The following CTNND2 variants were observed in gnomAD, a reference collection of about 807,000 sequenced individuals.
CTNND2 encodes catenin delta-2.
In CTNND2, 22 loss-of-function variants were observed where a neutral mutation model predicts 144.4. That is an observed-to-expected ratio of 0.15 (90% confidence interval 0.11 to 0.22). The LOEUF is 0.22. Among genes scored for constraint, CTNND2 ranks in the 10% least tolerant of loss-of-function variants. The probability of loss-of-function intolerance (pLI) is 1.00; values close to 1 mark genes in which losing one functional copy is unlikely to be tolerated. For synonymous variants in CTNND2, 751 were observed against 695.6 expected, an observed-to-expected ratio of 1.08 and a Z score of -1.25; for missense variants, 1,353 against 1,618.8, an observed-to-expected ratio of 0.84 and a Z score of 2.82.
At chr5:11,772,289 G>A (rs867446643) in intron 1 of CTNND2, among the ~76,000 whole-genome samples, 6 of 151,756 alleles carry the variant, frequency 4.0e-5, no homozygotes, top group African/African-American at 4.8e-5. Context: ...TTTACACTTC[G>A]CATTAGATCA....
intron 9 of CTNND2, among the ~76,000 whole-genome samples, chr5:11,267,310 T>G (rs1348770917): frequency 6.6e-6 from 1 of 152,190 alleles, no homozygotes; most frequent in Non-Finnish European, 1.5e-5. Flanking sequence ...ATGGGTGATT[T>G]GGCAATTGGG....
chr5:11,556,152 CA>C (rs1417840020), intron 3 of CTNND2, among the ~76,000 whole-genome samples: 1 of 151,516 alleles, frequency 6.6e-6, no homozygotes, highest in African/African-American at 2.4e-5. Context: ...AAAAAATTTC[CA>C]AAAAAATGAT....
At chr5:11,285,739 A>G (rs957199620) in intron 9 of CTNND2, among the ~76,000 whole-genome samples, 4 of 152,054 alleles carry the variant, frequency 2.6e-5, no homozygotes, top group African/African-American at 4.8e-5. Context: ...TTCCCTCTCA[A>G]CCAGAATCCT....
chr5:11,225,736 C>T (rs1740263152), intron 10 of CTNND2, among the ~76,000 whole-genome samples: 1 of 152,118 alleles, frequency 6.6e-6, no homozygotes, highest in Admixed American at 6.5e-5. Context: ...TGCTAGGTTC[C>T]AGCCACACTC....
chr5:11,592,787 C>T (rs995291035), intron 2 of CTNND2, among the ~76,000 whole-genome samples: 4 of 150,886 alleles, frequency 2.7e-5, no homozygotes, highest in East Asian at 3.9e-4. Context: ...TATCGAAATG[C>T]ACAGGGCTAA....
rs541698433 is a variant in CTNND2, at chr5:11,307,358, G to A, written c.1628+39014C>T. 4.6e-5 allele frequency among the ~76,000 whole-genome samples: 7 copies of A among 150,914 alleles called. No homozygotes were observed. In the South Asian group the frequency reaches 6.3e-4, roughly 14 times the overall value. On this transcript the variant is annotated intron_variant, in intron 9 of 21. Coordinates refer to ENST00000304623, the MANE Select transcript of CTNND2 (RefSeq NM_001332.4). Reference sequence around the variant, plus strand: ...GTGTGTGTGTGTACACAAGGGAATCGTCACAGGGCGCAATACACAGGGGCA... The same window carrying A: ...GTGTGTGTGTGTACACAAGGGAATCATCACAGGGCGCAATACACAGGGGCA...
At chr5:11,884,330 A>G (rs1300029181) in intron 1 of CTNND2, among the ~76,000 whole-genome samples, 1 of 152,062 alleles carries the variant, frequency 6.6e-6, no homozygotes, top group Non-Finnish European at 1.5e-5. Flanking sequence ...TCAGTCTTTA[A>G]TCCATCTTGA....
intron 3 of CTNND2, among the ~76,000 whole-genome samples, chr5:11,429,311 T>A (rs968374333): frequency 1.3e-5 from 2 of 152,234 alleles, no homozygotes; most frequent in Non-Finnish European, 2.9e-5. Context: ...TTATTTTCAC[T>A]TATAAATGTT....
In CTNND2 at chr5:11,732,219, G is replaced by C. The variant is rs1374732576; in HGVS notation, c.91C>G (p.Leu31Val). The change falls in exon 2 of 22, where the codon CTG becomes GTG. Residue 31 changes from leucine (L) to valine (V), a missense_variant. Physicochemically the swap from Leu to Val is conservative, Grantham distance 32 (BLOSUM62 1). Transcript: ENST00000304623. ...PSSASEKTSS[L>V]SPGLNTSNGD... ...TTGGAGGTGTTTAAGCCGGGGCTCA[G>C]GGAACTCGTCTTCTCTGAGGCTGAT... is the stretch of plus-strand genomic sequence containing the variant. The C allele has an allele frequency of 4.3e-6, 7 of 1,614,028 alleles. No homozygotes were observed. The Admixed American group carries it at 8.3e-5, about 19-fold the overall frequency.
intron 3 of CTNND2, among the ~76,000 whole-genome samples, chr5:11,499,521 C>T (rs1423312550): frequency 6.6e-6 from 1 of 152,204 alleles, no homozygotes; most frequent in East Asian, 1.9e-4. Flanking sequence ...ATTGTGGCCA[C>T]CTTGTTTCAA....
At chr5:11,380,751 A>G (rs1221352282) in intron 7 of CTNND2, among the ~76,000 whole-genome samples, 1 of 152,220 alleles carries the variant, frequency 6.6e-6, no homozygotes, top group African/African-American at 2.4e-5. Context: ...AGGAAGATCC[A>G]ATGCAAACTG....
chr5:11,145,111 G>A (rs1757119328), intron 12 of CTNND2, among the ~76,000 whole-genome samples: 1 of 151,968 alleles, frequency 6.6e-6, no homozygotes, highest in African/African-American at 2.4e-5. Flanking sequence ...TACTAATTAT[G>A]ATAAACAACG....
intron 3 of CTNND2, among the ~76,000 whole-genome samples, chr5:11,544,356 T>C (rs2150074022): frequency 6.6e-6 from 1 of 152,254 alleles, no homozygotes; most frequent in East Asian, 1.9e-4. Context: ...ACACTGCTGA[T>C]AGGATTAGAA....
At chr5:11,706,794 T>C (rs1467686143) in intron 2 of CTNND2, among the ~76,000 whole-genome samples, 1 of 151,996 alleles carries the variant, frequency 6.6e-6, no homozygotes, top group Admixed American at 6.6e-5. Flanking sequence ...GCTACTAAAA[T>C]AAGGAAGTAA....
chr5:11,652,979 T>G (rs1414147359), intron 2 of CTNND2, among the ~76,000 whole-genome samples: 1 of 152,172 alleles, frequency 6.6e-6, no homozygotes, highest in Non-Finnish European at 1.5e-5. Flanking sequence ...TTTTTCTTTC[T>G]GTGTCTAGCT....
intron 16 of CTNND2, among the ~76,000 whole-genome samples, chr5:11,039,942 G>T (rs1744513573): frequency 6.6e-6 from 1 of 152,028 alleles, no homozygotes; most frequent in Admixed American, 6.6e-5. Flanking sequence ...CGTGCCTGTA[G>T]TCCCAGCTAC....
intron 10 of CTNND2, among the ~76,000 whole-genome samples, chr5:11,208,664 G>A (rs778517468): frequency 2.0e-5 from 3 of 152,058 alleles, no homozygotes; most frequent in African/African-American, 4.8e-5. Flanking sequence ...GATTAGAAAT[G>A]TAAATGTAAA....
intron 11 of CTNND2, among the ~76,000 whole-genome samples, chr5:11,162,173 A>C (rs2023915): frequency 0.042 from 6,353 of 152,210 alleles, 413 homozygotes; most frequent in African/African-American, 0.14. Context: ...GCAAGCAAAC[A>C]AACAAACAAA....
chr5:11,479,297 G>C (rs1181433658), intron 3 of CTNND2, among the ~76,000 whole-genome samples: 1 of 152,150 alleles, frequency 6.6e-6, no homozygotes, highest in Non-Finnish European at 1.5e-5. Context: ...ATGGTCTACA[G>C]CTCCATCCAT....
Sources: gnomAD v4.1 joint callset for allele counts (sites outside exome capture counted in the v4.1 genomes callset) on GRCh38, gnomAD v4.1.1 for gene constraint, MANE v1.5 for transcripts, NCBI Gene and HGNC (gene_info 2026-07-23, HGNC 2026-07-21) for gene names.